The following HHIP variants were observed in gnomAD, a reference collection of about 807,000 sequenced individuals.
The protein encoded by HHIP is hedgehog-interacting protein.
HHIP carries 12 observed loss-of-function variants against 74.0 expected under a neutral mutation model. The ratio of observed to expected loss-of-function variants is 0.16; its 90% CI spans 0.10 to 0.26. HHIP has a LOEUF of 0.26. HHIP is among the 10% of genes least tolerant of loss of function. HHIP has a pLI of 1.00. For synonymous variants in HHIP, 309 were observed against 311.6 expected (o/e 0.99, Z 0.09); for missense variants, 788 against 845.0 (o/e 0.93, Z 0.84).
rs1452236902 is a variant in HHIP, at chr4:144,665,839, C to G, written c.831+6001C>G. ...AGTTGAGTAGAGAAAGCCCTGCCTT[C>G]TCCTAAATTTTAGGTCCCATCAGTC... On this transcript the variant is annotated intron_variant, in intron 4 of 12. Coordinates refer to ENST00000296575, the MANE Select transcript of HHIP (RefSeq NM_022475.3). 2.6e-5 allele frequency among the ~76,000 whole-genome samples: 4 copies of G among 152,206 alleles called. No homozygotes were observed. The East Asian group carries it at 7.7e-4, about 29-fold the overall frequency.
Position 144,738,614 on chromosome 4 carries a change from A to C in HHIP, c.*657A>C, listed in dbSNP as rs199640392. 3 of 724,194 alleles carry C rather than the reference A, an allele frequency of 4.1e-6. No homozygotes were observed. Among genetic ancestry groups the C allele is most frequent in the East Asian group, 1.3e-4 (1 of 7,614 alleles). The allele number at this position is 724,194 out of a possible 1,614,324, so 44.9% of individuals were successfully genotyped here. ...ATTAAATCATAATAGCATATTTTAA[A>C]ATCAATCTTCCTAAAAGGTCTGCTT... On this transcript the variant is annotated 3_prime_UTR_variant, in exon 13 of 13. Transcript: ENST00000296575.
In HHIP at chr4:144,743,622, A is replaced by ATG. The variant is rs1560729461; in HGVS notation, c.*5671_*5672dup. 1.3e-5 allele frequency: 2 copies of ATG among 152,146 alleles called. No individual in the cohort carries two copies. The highest frequency in any genetic ancestry group is 1.9e-4 in the East Asian group (1 of 5,180). 9.4% of individuals were successfully genotyped at this position (152,146 alleles called of 1,614,324 possible). On this transcript the variant is annotated 3_prime_UTR_variant, in exon 13 of 13. Transcript: ENST00000296575. ...TATGTATTACTTAAATCCAAAATAC[A>ATG]TGTGTGTATATATATACATATATAT...
rs200116743 is a variant in HHIP, at chr4:144,706,720, T to A, written c.983+38T>A. The A allele has an allele frequency of 6.1e-4, 944 of 1,542,716 alleles. 12 individuals are homozygous for A. The South Asian group carries it at 0.011, about 18-fold the overall frequency. ...GGCATCGAAGCATAGAAATTTCTCA[T>A]CTTATTTTCTCATCATCTTTTCATA... On this transcript the variant is annotated intron_variant, in intron 5 of 12. Transcript: ENST00000296575.
In HHIP at chr4:144,646,717, G is replaced by A. The variant is rs568927401; in HGVS notation, c.42G>A (p.Val14=). ...CCTTTAAGCTGCTGCTGCTGGCCGT[G>A]GCTCTGGGCTTCTTTGAAGGAGATG... ...MLSFKLLLLA[V]ALGFFEGDAK... Residue 14 remains valine, a synonymous_variant, in exon 1 of 13, where the codon GTG becomes GTA. Coordinates refer to ENST00000296575, the MANE Select transcript of HHIP (RefSeq NM_022475.3). The A allele has an allele frequency of 1.2e-6, 2 of 1,614,192 alleles. No individual in the cohort carries two copies. The highest frequency in any genetic ancestry group is 2.2e-5 in the South Asian group (2 of 91,088).
At chr4:144,682,641 G>C (rs1228381610) in intron 4 of HHIP, among the ~76,000 whole-genome samples, 1 of 152,222 alleles carries the variant, frequency 6.6e-6, no homozygotes, top group Non-Finnish European at 1.5e-5. Flanking sequence ...TGAAATAGCA[G>C]CATTACTGCT....
chr4:144,699,096 G>A (rs1055677700), intron 4 of HHIP, among the ~76,000 whole-genome samples: 3 of 152,114 alleles, frequency 2.0e-5, no homozygotes, highest in Admixed American at 6.6e-5. Flanking sequence ...TCTGGACTTA[G>A]CTCAGACCTC....
Position 144,714,290 on chromosome 4 carries a change from T to C in HHIP, c.1489T>C (p.Tyr497His), listed in dbSNP as rs1056864290. The change falls in exon 9 of 13, where the codon TAC becomes CAC. Residue 497 changes from tyrosine to histidine, a missense_variant. Around this residue, in one of 3 missense-constraint regions of HHIP, gnomAD observed 343 missense variants for 347.9 expected, o/e 0.99. Coordinates refer to ENST00000296575, the MANE Select transcript of HHIP (RefSeq NM_022475.3). ...SNGPLVGGFV[Y>H]RGCQSERLYG... ...TGGTCCTTTGGTTGGTGGATTTGTATACCGGGGCTGCCAGTCAGAAAGATT... is the reference window on the plus strand; with the variant it reads ...TGGTCCTTTGGTTGGTGGATTTGTACACCGGGGCTGCCAGTCAGAAAGATT... The C allele has an allele frequency of 1.9e-6, 3 of 1,613,488 alleles. No individual in the cohort carries two copies. Among genetic ancestry groups the C allele is most frequent in the Non-Finnish European group, 1.7e-6 (2 of 1,179,600 alleles).
chr4:144,732,657 T>C (rs1011426148), intron 11 of HHIP, among the ~76,000 whole-genome samples: 1 of 152,210 alleles, frequency 6.6e-6, no homozygotes, highest in African/African-American at 2.4e-5. Context: ...CTTCTAGTTG[T>C]TGTTTAACAA....
chr4:144,657,672 T>A (rs1728591857), intron 2 of HHIP, among the ~76,000 whole-genome samples: 2 of 152,336 alleles, frequency 1.3e-5, no homozygotes, highest in African/African-American at 4.8e-5. Context: ...GATAGCTGTC[T>A]TTATATGATA....
intron 4 of HHIP, among the ~76,000 whole-genome samples, chr4:144,684,869 C>T (rs13106160): frequency 0.6 from 90,411 of 151,924 alleles, 27,050 homozygotes; most frequent in South Asian, 0.78. Context: ...ACTAATTGGT[C>T]TGCCTGGGTC....
intron 4 of HHIP, among the ~76,000 whole-genome samples, chr4:144,698,575 G>A (rs1342704981): frequency 6.6e-6 from 1 of 152,138 alleles, no homozygotes; most frequent in Non-Finnish European, 1.5e-5. Context: ...CTGAAACAGT[G>A]AGTAAACACG....
chr4:144,734,920 CTG>C, intron 12 of HHIP, 31 bp downstream of exon 12: 5 of 1,577,894 alleles, frequency 3.2e-6, no homozygotes, highest in Non-Finnish European at 4.3e-6. Context: ...CTGAAAAGGA[CTG>C]GGGATGAGCC....
intron 4 of HHIP, among the ~76,000 whole-genome samples, chr4:144,664,663 G>A (rs1181978597): frequency 6.6e-6 from 1 of 152,156 alleles, no homozygotes; most frequent in Non-Finnish European, 1.5e-5. Flanking sequence ...ACTAGATCAT[G>A]TAACAAATGC....
intron 4 of HHIP, among the ~76,000 whole-genome samples, chr4:144,671,529 G>C (rs1317982390): frequency 1.3e-5 from 2 of 152,136 alleles, no homozygotes; most frequent in Admixed American, 1.3e-4. Flanking sequence ...GATCTCTAAT[G>C]GGTCGCATTC....
chr4:144,646,189 C>G lies in HHIP; in HGVS notation c.-487C>G, dbSNP rs1728246111. The G allele has an allele frequency of 6.5e-6, 1 of 154,820 alleles. No homozygotes were observed. The highest frequency in any genetic ancestry group is 1.4e-5 in the Non-Finnish European group (1 of 69,372). The allele number at this position is 154,820 out of a possible 1,614,324, so 9.6% of individuals were successfully genotyped here. A position where few individuals can be genotyped will look rare whatever the true frequency, so the allele number is the denominator to read the frequency against. On this transcript the variant is annotated 5_prime_UTR_variant, in exon 1 of 13. Coordinates refer to ENST00000296575, the MANE Select transcript of HHIP (RefSeq NM_022475.3). ...CTGTGTGAGAAGCTGCAGCCGCCGG[C>G]AGAGGAGACCTCAGCATCATCTAGA...
rs1728622158 is a variant in HHIP at position 144,658,844 on chromosome 4, G to A, written c.527G>A (p.Gly176Asp). ...TGCTTTTACTATGCAAGAAAAGATG[G>A]TGGGTTGTGCTTTCCAGATTTTCCA... ...EFCFYYARKD[G>D]GLCFPDFPRK... The change falls in exon 3 of 13, where the codon GGT (glycine) becomes GAT (aspartate). Residue 176 changes from glycine to aspartate, a missense_variant. Around this residue, in one of 3 missense-constraint regions of HHIP, gnomAD observed 373 missense variants for 366.4 expected, o/e 1.02. Coordinates refer to ENST00000296575, the MANE Select transcript of HHIP (RefSeq NM_022475.3). 3 of 1,613,614 alleles carry A rather than the reference G, an allele frequency of 1.9e-6. No homozygotes were observed. Among genetic ancestry groups the A allele is most frequent in the Non-Finnish European group, 1.7e-6 (2 of 1,179,742 alleles).
intron 4 of HHIP, among the ~76,000 whole-genome samples, chr4:144,664,184 T>G (rs988761164): frequency 6.6e-6 from 1 of 152,176 alleles, no homozygotes; most frequent in African/African-American, 2.4e-5. Flanking sequence ...CAAAAGATGC[T>G]TTTAGAAGCA....
At chr4:144,662,605 T>A in intron 4 of HHIP, among the ~76,000 whole-genome samples, 1 of 152,244 alleles carries the variant, frequency 6.6e-6, no homozygotes, top group East Asian at 1.9e-4. Flanking sequence ...GATGATAGTG[T>A]ACTCTACAAG....
chr4:144,690,023 G>A (rs1729601780), intron 4 of HHIP, among the ~76,000 whole-genome samples: 1 of 152,124 alleles, frequency 6.6e-6, no homozygotes, highest in African/African-American at 2.4e-5. Flanking sequence ...GGCCAGGCTG[G>A]TCTCAAACTC....
Sources: gnomAD v4.1 joint callset for allele counts (sites outside exome capture counted in the v4.1 genomes callset) on GRCh38, gnomAD v4.1.1 for gene constraint, gnomAD v4.1.1 regional missense constraint, MANE v1.5 for transcripts, NCBI Gene and HGNC (gene_info 2026-07-23, HGNC 2026-07-21) for gene names.